Variants in ATAD2 observed in about 807,000 individuals in gnomAD.
The protein encoded by ATAD2 is ATPase family AAA domain-containing protein 2.
ATAD2 carries 62 observed loss-of-function variants against 168.9 expected under a neutral mutation model. The ratio of observed to expected loss-of-function variants is 0.37; its 90% CI spans 0.30 to 0.45. ATAD2 has a LOEUF of 0.45. Ranked by LOEUF, ATAD2 falls within the 20% of genes least tolerant of loss-of-function variation. The probability of loss-of-function intolerance (pLI) is 1.00; values close to 1 mark genes in which losing one functional copy is unlikely to be tolerated. For missense variants in ATAD2, 1,419 were observed against 1,667.8 expected (o/e 0.85, Z 2.60); for synonymous variants, 613 against 571.6 (o/e 1.07, Z -1.03).
At chr8:123,329,806 C>A (rs902364506) in intron 24 of ATAD2, among the ~76,000 whole-genome samples, 1 of 148,294 alleles carries the variant, frequency 6.7e-6, no homozygotes, top group Non-Finnish European at 1.5e-5. Flanking sequence ...AAGTTTGCTA[C>A]CATTATCATC....
At chr8:123,339,106 T>C (rs558089848) in intron 20 of ATAD2, among the ~76,000 whole-genome samples, 69 of 152,224 alleles carry the variant, frequency 4.5e-4, no homozygotes, top group Middle Eastern at 3.4e-3. Flanking sequence ...GAAAGATAGA[T>C]TGGGGCTATA....
rs1231929187 is a variant in ATAD2 at position 123,402,252 on chromosome 8, A to T, written c.-2281-1077T>A. ...CAGGGAGAGAGGAGGCGAAGTTGTG[A>T]GGGGTCTGTGACCCCTCGCTGGGCA... On this transcript the variant is annotated intron_variant, in intron 1 of 28. Transcript: ENST00000521903. This position sits in a 1 kb window ranked among gnomAD's most constrained non-coding sequence, Gnocchi z 4.8. Among the ~76,000 whole-genome samples the T allele has an allele frequency of 6.6e-6, 1 of 152,004 alleles. No homozygotes were observed. Among genetic ancestry groups the T allele is most frequent in the Non-Finnish European group, 1.5e-5 (1 of 67,960 alleles).
rs375199463 is a variant in ATAD2 at position 123,369,988 on chromosome 8, T to C, written c.764A>G (p.Asp255Gly). 4.4e-6 allele frequency: 7 copies of C among 1,592,022 alleles called. No individual in the cohort carries two copies. The highest frequency in any genetic ancestry group is 6.0e-6 in the Non-Finnish European group (7 of 1,162,690). Residue 255 changes from aspartate (D) to glycine (G), a missense_variant, in exon 7 of 28, where the codon GAT (aspartate) becomes GGT (glycine). Physicochemically the swap from Asp to Gly is moderately conservative, Grantham distance 94. Coordinates refer to ENST00000287394, the MANE Select transcript of ATAD2 (RefSeq NM_014109.4). Reference protein sequence around the residue: ...SEEGEDQEHEDDGEDEDDEDD... With the variant: ...SEEGEDQEHEGDGEDEDDEDD... The stretch of plus-strand genomic sequence containing the variant: ...TTCATCATCTTCATCTTCACCATCA[T>C]CTTCATGTTCTTGGTCTTCACCCTC...
chr8:123,391,862 T>C (rs1271472548), intron 1 of ATAD2, among the ~76,000 whole-genome samples: 1 of 152,202 alleles, frequency 6.6e-6, no homozygotes, highest in East Asian at 1.9e-4. Context: ...AATCCCATGC[T>C]CATTATGTAA....
intron 1 of ATAD2, among the ~76,000 whole-genome samples, chr8:123,381,942 A>G (rs1829505559): frequency 6.6e-6 from 1 of 152,126 alleles, no homozygotes; most frequent in Non-Finnish European, 1.5e-5. Context: ...GCTACTTGGG[A>G]GGCTGAGGCA....
chr8:123,408,125 C>G (rs1813092216), intron 1 of ATAD2, among the ~76,000 whole-genome samples: 1 of 152,094 alleles, frequency 6.6e-6, no homozygotes, highest in South Asian at 2.1e-4. Flanking sequence ...TATTGATTTC[C>G]CACAAAAGAA....
rs777397334 is a variant in ATAD2, at chr8:123,328,222, A to T, written c.3836T>A (p.Ile1279Lys). The T allele has an allele frequency of 1.7e-5, 24 of 1,432,956 alleles. No homozygotes were observed. Among genetic ancestry groups the T allele is most frequent in the Non-Finnish European group, 2.1e-5 (23 of 1,091,608 alleles). 88.8% of individuals were successfully genotyped at this position (1,432,956 alleles called of 1,614,324 possible). ...ACNGDASSSQ[I>K]IHISDENEGK... Reference sequence around the variant, plus strand: ...TTCATTTTCATCAGAAATATGTATTATCTGAGAGCTAGAAGCATCTCCATT... The same window carrying T: ...TTCATTTTCATCAGAAATATGTATTTTCTGAGAGCTAGAAGCATCTCCATT... The change falls in exon 25 of 28, where the codon ATA (isoleucine) becomes AAA (lysine). Residue 1279 changes from isoleucine (I) to lysine (K), a missense_variant. Physicochemically the swap from Ile to Lys is moderately radical, Grantham distance 102 (BLOSUM62 -3). Transcript: ENST00000287394.
chr8:123,326,015 G>A lies in ATAD2; in HGVS notation c.3880C>T (p.Leu1294=), dbSNP rs770621563. The A allele has an allele frequency of 9.9e-6, 16 of 1,613,814 alleles. No homozygotes were observed. Among genetic ancestry groups the A allele is most frequent in the Non-Finnish European group, 1.4e-5 (16 of 1,179,878 alleles). Residue 1294 remains leucine, a synonymous_variant, in exon 26 of 28, where the codon CTG becomes TTG. Transcript: ENST00000287394. ...GAACGTCTAGCTCGAGTCATTCGCA[G>A]AACACACATTTCTAGAATGAAAAAT... ...DENEGKEMCV[L]RMTRARRSQV...
intron 1 of ATAD2, among the ~76,000 whole-genome samples, chr8:123,415,230 C>A (rs995132977): frequency 1.3e-5 from 2 of 152,102 alleles, no homozygotes; most frequent in African/African-American, 4.8e-5. Context: ...AAGATAGGGC[C>A]CCAATCCCTT....
At chr8:123,364,244 A>G (rs748297502) in intron 8 of ATAD2, among the ~76,000 whole-genome samples, 1 of 152,178 alleles carries the variant, frequency 6.6e-6, no homozygotes, top group South Asian at 2.1e-4. Context: ...AGAGTTAAGT[A>G]ACTTGCCAAA....
intron 9 of ATAD2, among the ~76,000 whole-genome samples, chr8:123,360,430 C>T (rs1256465289): frequency 6.6e-6 from 1 of 151,456 alleles, no homozygotes; most frequent in Non-Finnish European, 1.5e-5. Context: ...CAATCTTCGC[C>T]TCCTGGGTTC....
intron 1 of ATAD2, among the ~76,000 whole-genome samples, chr8:123,385,573 G>T (rs778725999): frequency 1.3e-5 from 2 of 152,050 alleles, no homozygotes; most frequent in Non-Finnish European, 2.9e-5. Context: ...GGAACTCTTA[G>T]GAGAAAACAG....
intron 2 of ATAD2, among the ~76,000 whole-genome samples, chr8:123,374,135 G>A (rs1406042123): frequency 6.6e-6 from 1 of 152,060 alleles, no homozygotes; most frequent in Non-Finnish European, 1.5e-5. Context: ...GAGGCCAAGA[G>A]TTCAAGACCA....
chr8:123,403,264 A>G (rs926703000), intron 1 of ATAD2, among the ~76,000 whole-genome samples: 2 of 151,610 alleles, frequency 1.3e-5, no homozygotes, highest in African/African-American at 4.8e-5. Flanking sequence ...GCTCCCAGCT[A>G]ATTTTTTGTA....
At chr8:123,393,203 A>G (rs1317508165) in intron 1 of ATAD2, among the ~76,000 whole-genome samples, 5 of 141,338 alleles carry the variant, frequency 3.5e-5, no homozygotes, top group African/African-American at 1.5e-4. Flanking sequence ...AAAAAAAAAG[A>G]TTCACTGCAT....
chr8:123,338,433 A>T (rs568148861), intron 20 of ATAD2, among the ~76,000 whole-genome samples: 45 of 152,260 alleles, frequency 3.0e-4, no homozygotes, highest in Non-Finnish European at 5.0e-4. Context: ...AAATATTCTA[A>T]CTATAAAAAA....
chr8:123,369,918 T>TTCA lies in ATAD2; in HGVS notation c.831_833dup (p.Asp277dup), dbSNP rs113064839. 15,809 of 1,567,734 alleles carry TTCA rather than the reference T, an allele frequency of 0.01. 690 individuals carry two copies. The African/African-American group carries it at 0.14, about 14-fold the overall frequency. On this transcript the variant is annotated inframe_insertion, in exon 7 of 28. Coordinates refer to ENST00000287394, the MANE Select transcript of ATAD2 (RefSeq NM_014109.4). ...CTCCATCTTCTTCATCTTCATCATC[T>TTCA]TCATCATCATCATCATCATCATCAT...
chr8:123,413,007 AAT>A (rs2130057283), intron 1 of ATAD2, among the ~76,000 whole-genome samples: 1 of 152,228 alleles, frequency 6.6e-6, no homozygotes, highest in South Asian at 2.1e-4. Context: ...TAGAATTGTA[AAT>A]ATGTATTACT....
Position 123,396,191 on chromosome 8 carries a change from G to A in ATAD2, c.167C>T (p.Ala56Val), listed in dbSNP as rs1229264721. The change falls in exon 1 of 28, where the codon GCG (alanine) becomes GTG (valine). Residue 56 changes from alanine (A) to valine (V), a missense_variant. By Grantham distance (64) the Ala-to-Val change is moderately conservative. Around this residue, in one of 5 missense-constraint regions of ATAD2, gnomAD observed 419 missense variants for 423.5 expected, o/e 0.99. Coordinates refer to ENST00000287394, the MANE Select transcript of ATAD2 (RefSeq NM_014109.4). The stretch of plus-strand genomic sequence containing the variant: ...CCGCCTCAGGCCCGTACTCACGCCC[G>A]CTTTGGCTGTGGTCGCCGCGGGTTT... ...QKKPAATTAK[A>V]GDGSSVKEVE... 6.3e-7 allele frequency: 1 copy of A among 1,574,886 alleles called. No individual in the cohort carries two copies. Among genetic ancestry groups the A allele is most frequent in the South Asian group, 1.1e-5 (1 of 87,356 alleles).
Sources: allele counts gnomAD v4.1 joint callset (sites outside exome capture counted in the v4.1 genomes callset), GRCh38; gene constraint gnomAD v4.1.1; regional missense constraint gnomAD v4.1.1; non-coding constraint Gnocchi (gnomAD v3.1); transcripts MANE v1.5; gene names NCBI Gene and HGNC (gene_info 2026-07-23, HGNC 2026-07-21).